The following SORBS2 variants were observed in gnomAD, a reference collection of about 807,000 sequenced individuals.
SORBS2 encodes sorbin and SH3 domain-containing protein 2.
Under a neutral mutation model 97.7 loss-of-function variants are expected in SORBS2, and 46 were observed. That is an observed-to-expected ratio of 0.47 (90% CI 0.37 to 0.60). The LOEUF (loss-of-function observed/expected upper bound fraction) is 0.60. Among genes scored for constraint, SORBS2 ranks in the 20% least tolerant of loss-of-function variants. SORBS2 has a pLI of 0.00. For missense variants in SORBS2, 1,316 were observed against 1,282.3 expected (o/e 1.03, Z -0.40); for synonymous variants, 476 against 473.4 (o/e 1.01, Z -0.07).
intron 1 of SORBS2, among the ~76,000 whole-genome samples, chr4:185,842,333 T>G (rs1409283516): frequency 2.0e-5 from 3 of 152,172 alleles, no homozygotes; most frequent in Non-Finnish European, 2.9e-5. Context: ...AGAAAGAGAC[T>G]GGAGGTCCAT....
intron 1 of SORBS2, among the ~76,000 whole-genome samples, chr4:185,950,822 C>A (rs150613795): frequency 6.6e-6 from 1 of 152,226 alleles, no homozygotes; most frequent in Non-Finnish European, 1.5e-5. Flanking sequence ...GATATCTGCT[C>A]TTTTGGGGTT....
chr4:185,687,505 G>C (rs2097990757), intron 2 of SORBS2, among the ~76,000 whole-genome samples: 1 of 152,124 alleles, frequency 6.6e-6, no homozygotes, highest in Admixed American at 6.5e-5. Context: ...CTGTCAAATG[G>C]CTTCTAAGTT....
At chr4:185,777,992 A>G (rs2099008386) in intron 1 of SORBS2, among the ~76,000 whole-genome samples, 1 of 152,242 alleles carries the variant, frequency 6.6e-6, no homozygotes, top group African/African-American at 2.4e-5. Flanking sequence ...TATCATTTTT[A>G]TATTGACCAC....
chr4:185,646,839 T>C (rs1207417681), intron 3 of SORBS2, 57 bp from the exon 13 acceptor site: 1 of 995,580 alleles, frequency 1.0e-6, no homozygotes, highest in African/African-American at 1.6e-5. Context: ...AAAGCAATTG[T>C]GTAAAACCAG....
At chr4:185,871,305 T>A (rs975512763) in intron 1 of SORBS2, among the ~76,000 whole-genome samples, 3 of 152,096 alleles carry the variant, frequency 2.0e-5, no homozygotes, top group African/African-American at 7.2e-5. Flanking sequence ...AGAAAAACAC[T>A]AAGCCCATGA....
At chr4:185,723,147 AAT>A (rs1026548489) in intron 2 of SORBS2, among the ~76,000 whole-genome samples, 5 of 152,312 alleles carry the variant, frequency 3.3e-5, no homozygotes, top group African/African-American at 1.2e-4. Flanking sequence ...ATTAAAAAAA[AAT>A]AAAATAAAAT....
At chr4:185,637,949 C>T in intron 4 of SORBS2, 130 bp downstream of exon 15, 1 of 667,728 alleles carries the variant, frequency 1.5e-6, no homozygotes, top group Non-Finnish European at 2.7e-6. Flanking sequence ...TACGCTGTAC[C>T]AAGTGTGTGT....
At chr4:185,918,965 A>C (rs1017826425) in intron 1 of SORBS2, among the ~76,000 whole-genome samples, 4 of 152,214 alleles carry the variant, frequency 2.6e-5, no homozygotes, top group Admixed American at 6.5e-5. Flanking sequence ...TGATGTACAA[A>C]AATCTTCACA....
At chr4:185,648,344 A>G (rs2097251777) in intron 3 of SORBS2, among the ~76,000 whole-genome samples, 1 of 152,110 alleles carries the variant, frequency 6.6e-6, no homozygotes, top group Non-Finnish European at 1.5e-5. Flanking sequence ...GTGAAACACC[A>G]TACAAAAATT....
At chr4:185,611,271 C>T (rs115349299) in intron 12 of SORBS2, among the ~76,000 whole-genome samples, 2,378 of 151,874 alleles carry the variant, frequency 0.016, 35 homozygotes, top group Non-Finnish European at 0.023. Flanking sequence ...CCTAATAACC[C>T]GGTGTTCTTG....
intron 12 of SORBS2, among the ~76,000 whole-genome samples, chr4:185,595,125 C>T (rs1008697724): frequency 6.6e-6 from 1 of 152,124 alleles, no homozygotes; most frequent in Non-Finnish European, 1.5e-5. Context: ...CTTTATCCAC[C>T]CCCTTTCTAT....
At chr4:185,857,304 T>C (rs574081093) in intron 1 of SORBS2, among the ~76,000 whole-genome samples, 3 of 152,358 alleles carry the variant, frequency 2.0e-5, no homozygotes, top group Non-Finnish European at 4.4e-5. Context: ...TGGACACTTA[T>C]CACTTCCCCA....
intron 1 of SORBS2, among the ~76,000 whole-genome samples, chr4:185,924,694 T>A (rs1411316671): frequency 1.3e-5 from 2 of 152,116 alleles, no homozygotes; most frequent in East Asian, 3.9e-4. Flanking sequence ...GTCAAACCAA[T>A]CCCCTGTGCC....
At chr4:185,946,977 G>T (rs763641991) in intron 1 of SORBS2, among the ~76,000 whole-genome samples, 3 of 152,152 alleles carry the variant, frequency 2.0e-5, no homozygotes, top group Non-Finnish European at 4.4e-5. Context: ...TGGGTACCTG[G>T]CCCATGACTT....
chr4:185,628,749 ATCAG>A lies in SORBS2; in HGVS notation c.447-1734_447-1731del, dbSNP rs1263381264. ...GGGCAACAGAGCAAGACCCTGTCTC[ATCAG>A]TCAGTCAATCAATCAGTACCAGTAA... On this transcript the variant is annotated intron_variant, in intron 5 of 14. Coordinates refer to ENST00000418609, the Ensembl canonical transcript of SORBS2. Among the ~76,000 whole-genome samples, 9 of 152,348 alleles carry A rather than the reference ATCAG, an allele frequency of 5.9e-5. No individual in the cohort carries two copies. In the East Asian group the frequency reaches 1.7e-3, roughly 29 times the overall value.
Position 185,944,481 on chromosome 4 carries a change from A to G in SORBS2, c.-338+11715T>C, listed in dbSNP as rs527505733. ...TGAATTTACACAATATAGTCAATCT[A>G]GAGACTATAAAGACACAACACATCT... On this transcript the variant is annotated intron_variant, in intron 1 of 20. Transcript: ENST00000284776. 1.9e-3 allele frequency among the ~76,000 whole-genome samples: 285 copies of G among 152,368 alleles called. 1 individual carries two copies. The highest frequency in any genetic ancestry group is 3.4e-3 in the Non-Finnish European group (229 of 68,036).
intron 1 of SORBS2, among the ~76,000 whole-genome samples, chr4:185,943,117 G>C (rs1314430880): frequency 6.6e-6 from 1 of 152,164 alleles, no homozygotes; most frequent in Non-Finnish European, 1.5e-5. Flanking sequence ...TTGGATTAAT[G>C]GTGCTTCTAG....
In SORBS2 at chr4:185,685,485, G is replaced by C. The variant is rs1027174600; in HGVS notation, c.-197-6663C>G. ...TAAAATAAAAGTATTGATATATATGGTATCGAAATGACCATGTTTAAAGAA... is the reference window on the plus strand; with the variant it reads ...TAAAATAAAAGTATTGATATATATGCTATCGAAATGACCATGTTTAAAGAA... On this transcript the variant is annotated intron_variant, in intron 2 of 20. Coordinates refer to the SORBS2 transcript ENST00000284776. Among the ~76,000 whole-genome samples the C allele has an allele frequency of 2.0e-5, 3 of 152,206 alleles. No homozygotes were observed. The South Asian group carries it at 6.2e-4, about 32-fold the overall frequency.
chr4:185,920,964 C>T (rs941681408), intron 1 of SORBS2, among the ~76,000 whole-genome samples: 1 of 152,080 alleles, frequency 6.6e-6, no homozygotes, highest in Non-Finnish European at 1.5e-5. Flanking sequence ...GTTTGAGTAG[C>T]GAATAGGAAA....
Sources: allele counts gnomAD v4.1 joint callset (sites outside exome capture counted in the v4.1 genomes callset), GRCh38; gene constraint gnomAD v4.1.1; transcripts MANE v1.5; gene names NCBI Gene and HGNC (gene_info 2026-07-23, HGNC 2026-07-21).